FSHR: variants seen among roughly 807,000 people sequenced by gnomAD.
The protein encoded by FSHR is follicle stimulating hormone receptor.
A neutral mutation model predicts 52.1 loss-of-function variants in FSHR; 46 were observed. The observed-to-expected ratio is 0.88, with a 90% CI of 0.70 to 1.13. FSHR has a LOEUF of 1.13. FSHR is among the 50% of genes most tolerant of loss of function. The pLI is 0.00. For missense variants in FSHR, 964 were observed against 834.6 expected (o/e 1.16, Z -1.91); for synonymous variants, 399 against 309.6 (o/e 1.29, Z -3.03).
chr2:49,024,840 TA>T (rs757467736), intron 2 of FSHR, among the ~76,000 whole-genome samples: 3 of 152,208 alleles, frequency 2.0e-5, no homozygotes, highest in Non-Finnish European at 4.4e-5. Flanking sequence ...AAGCTCAAAC[TA>T]AATTCAGTTG....
intron 1 of FSHR, among the ~76,000 whole-genome samples, chr2:49,134,735 A>C (rs193261305): frequency 6.6e-6 from 1 of 152,376 alleles, no homozygotes; most frequent in East Asian, 1.9e-4. Context: ...CTATGCAGAC[A>C]TAAAAAATGA....
intron 2 of FSHR, among the ~76,000 whole-genome samples, chr2:49,049,605 T>A (rs762382964): frequency 6.6e-6 from 1 of 152,038 alleles, no homozygotes; most frequent in Non-Finnish European, 1.5e-5. Flanking sequence ...TTTATTACTA[T>A]AAGCTTATTA....
intron 2 of FSHR, among the ~76,000 whole-genome samples, chr2:49,066,810 C>A (rs1279912001): frequency 1.3e-5 from 2 of 152,032 alleles, no homozygotes; most frequent in Non-Finnish European, 2.9e-5. Context: ...ATCTGAAATG[C>A]CTGTCTTTAG....
intron 2 of FSHR, among the ~76,000 whole-genome samples, chr2:49,042,437 TG>T (rs1668510392): frequency 6.6e-6 from 1 of 152,118 alleles, no homozygotes; most frequent in African/African-American, 2.4e-5. Context: ...ATCAGGGCAA[TG>T]GGATAAGTCT....
chr2:49,011,394 T>C (rs960558743), intron 4 of FSHR, among the ~76,000 whole-genome samples: 1 of 152,122 alleles, frequency 6.6e-6, no homozygotes, highest in Non-Finnish European at 1.5e-5. Flanking sequence ...GTCTGAGAGA[T>C]AGTTTGTTAT....
At chr2:49,153,093 A>G (rs563349808) in intron 1 of FSHR, among the ~76,000 whole-genome samples, 6 of 152,198 alleles carry the variant, frequency 3.9e-5, no homozygotes, top group Non-Finnish European at 7.4e-5. Flanking sequence ...TTAAGGGGAA[A>G]TGTGGCAAAC....
intron 1 of FSHR, among the ~76,000 whole-genome samples, chr2:49,131,759 A>G (rs969805565): frequency 6.6e-6 from 1 of 152,242 alleles, no homozygotes; most frequent in Non-Finnish European, 1.5e-5. Context: ...TTCAGGAACA[A>G]GAACAATTTC....
chr2:48,983,835 G>A (rs775350902), intron 6 of FSHR, among the ~76,000 whole-genome samples: 1 of 152,132 alleles, frequency 6.6e-6, no homozygotes, highest in Non-Finnish European at 1.5e-5. Flanking sequence ...GGTTCTGGGG[G>A]AGGTGGAGAT....
chr2:49,020,801 C>G (rs114073498), intron 2 of FSHR, among the ~76,000 whole-genome samples: 1 of 152,110 alleles, frequency 6.6e-6, no homozygotes, highest in African/African-American at 2.4e-5. Flanking sequence ...TTAAAATACA[C>G]ATATGTTTGT....
chr2:49,019,640 T>G (rs1236964006), intron 3 of FSHR, among the ~76,000 whole-genome samples: 1 of 152,218 alleles, frequency 6.6e-6, no homozygotes, highest in Non-Finnish European at 1.5e-5. Flanking sequence ...ATTATTCCAG[T>G]TTTACAGATG....
intron 8 of FSHR, among the ~76,000 whole-genome samples, chr2:48,970,439 C>G (rs1674692787): frequency 6.6e-6 from 1 of 152,110 alleles, no homozygotes; most frequent in Non-Finnish European, 1.5e-5. Context: ...TTTTGAGATA[C>G]TCTCTTTCTT....
chr2:49,061,185 C>T (rs914022308), intron 2 of FSHR, among the ~76,000 whole-genome samples: 3 of 152,026 alleles, frequency 2.0e-5, no homozygotes, highest in African/African-American at 7.2e-5. Context: ...TCTAATCCTG[C>T]CAAGGAGAGC....
chr2:49,111,439 G>C (rs1191803386), intron 1 of FSHR, among the ~76,000 whole-genome samples: 2 of 152,120 alleles, frequency 1.3e-5, no homozygotes, highest in African/African-American at 4.8e-5. Context: ...TTGCAGCTCA[G>C]CTGGTCACTT....
At chr2:49,011,412 G>A (rs1286953553) in intron 4 of FSHR, among the ~76,000 whole-genome samples, 1 of 152,054 alleles carries the variant, frequency 6.6e-6, no homozygotes, top group Non-Finnish European at 1.5e-5. Flanking sequence ...TATAATTTCT[G>A]TTCTTTTACA....
At chr2:49,152,532 T>A (rs546451082) in intron 1 of FSHR, among the ~76,000 whole-genome samples, 1 of 152,252 alleles carries the variant, frequency 6.6e-6, no homozygotes, top group Admixed American at 6.5e-5. Flanking sequence ...CCCTCCATCT[T>A]TTCTCTTTTT....
intron 1 of FSHR, among the ~76,000 whole-genome samples, chr2:49,133,216 T>G (rs1416349676): frequency 6.6e-6 from 1 of 152,154 alleles, no homozygotes; most frequent in African/African-American, 2.4e-5. Context: ...CAACAGCATT[T>G]AACAGGTTGG....
intron 2 of FSHR, among the ~76,000 whole-genome samples, chr2:49,042,136 G>C (rs1668498314): frequency 6.6e-6 from 1 of 152,120 alleles, no homozygotes; most frequent in Non-Finnish European, 1.5e-5. Flanking sequence ...ATTCATTTTA[G>C]AAATATTTCT....
intron 1 of FSHR, among the ~76,000 whole-genome samples, chr2:49,087,626 A>G (rs1423236227): frequency 1.3e-5 from 2 of 152,218 alleles, no homozygotes; most frequent in Non-Finnish European, 2.9e-5. Flanking sequence ...AGGATCAATC[A>G]TGCATAAAGT....
intron 1 of FSHR, among the ~76,000 whole-genome samples, chr2:49,072,928 CT>C (rs763435030): frequency 2.6e-5 from 4 of 152,078 alleles, no homozygotes; most frequent in African/African-American, 4.8e-5. Context: ...AACCACCAAC[CT>C]TCTGACAATT....
Sources: gnomAD v4.1 joint callset for allele counts (sites outside exome capture counted in the v4.1 genomes callset) on GRCh38, gnomAD v4.1.1 for gene constraint, MANE v1.5 for transcripts, NCBI Gene and HGNC (gene_info 2026-07-23, HGNC 2026-07-21) for gene names.